The following NALF2 variants were observed in gnomAD, a reference collection of about 807,000 sequenced individuals.
NALF2 encodes NALCN channel auxiliary factor 2.
NALF2 carries 1 observed loss-of-function variant against 24.8 expected under a neutral mutation model. The ratio of observed to expected loss-of-function variants is 0.04; its 90% confidence interval spans 0.01 to 0.19. The LOEUF is 0.19. NALF2 is among the 10% of genes least tolerant of loss of function. NALF2 has a pLI of 1.00. For synonymous variants in NALF2, 254 were observed against 189.8 expected (o/e 1.34, Z -2.78); for missense variants, 458 against 409.6 (o/e 1.12, Z -1.02).
Position 69,505,633 on chromosome X carries a change from A to G in NALF2, c.351A>G (p.Arg117=), listed in dbSNP as rs1378502964. Residue 117 remains arginine (R), a synonymous_variant, in exon 1 of 3, where the codon AGA becomes AGG. Transcript: ENST00000252338. ...PSAPPGTCGP[R]YSNLTKAAPA... Reference sequence around the variant, plus strand: ...CGCCCCCAGGCACCTGCGGCCCCAGATACAGCAACCTGACCAAAGCCGCCC... The same window carrying G: ...CGCCCCCAGGCACCTGCGGCCCCAGGTACAGCAACCTGACCAAAGCCGCCC... The G allele has an allele frequency of 1.7e-6, 2 of 1,186,097 alleles. No homozygotes were observed. Among genetic ancestry groups the G allele is most frequent in the South Asian group, 3.7e-5 (2 of 54,570 alleles).
At chrX:69,529,200 G>A (rs375967970) in intron 2 of NALF2, 36 bp downstream of exon 2, 16 of 1,164,251 alleles carry the variant, frequency 1.4e-5, no homozygotes, top group Admixed American at 1.2e-4. Context: ...GGAGGAGGCC[G>A]GGGGCCCAGG....
chrX:69,530,496 C>G lies in NALF2; in HGVS notation c.*540C>G, dbSNP rs903988786. On this transcript the variant is annotated 3_prime_UTR_variant, in exon 3 of 3. Coordinates refer to ENST00000252338, the MANE Select transcript of NALF2 (RefSeq NM_015686.3). ...ACCTGGGACCATCACACGTGAAGCACCAGGCTGGGAGATGAGGTGCACACA... is the reference window on the plus strand; with the variant it reads ...ACCTGGGACCATCACACGTGAAGCAGCAGGCTGGGAGATGAGGTGCACACA... The G allele has an allele frequency of 1.7e-5, 2 of 114,640 alleles. No individual in the cohort carries two copies. The highest frequency in any genetic ancestry group is 3.7e-5 in the Non-Finnish European group (2 of 54,462). 9.4% of individuals were successfully genotyped at this position (114,640 alleles called of 1,213,427 possible).
rs200347050 is a variant in NALF2 at position 69,529,811 on chromosome X, G to A, written c.1274G>A (p.Arg425His). The A allele has an allele frequency of 1.3e-3, 1,565 of 1,209,831 alleles. 15 individuals carry two copies. In the South Asian group the frequency reaches 0.026, roughly 20 times the overall value. Residue 425 changes from arginine to histidine, a missense_variant, in exon 3 of 3, where the codon CGC becomes CAC. Arg to His is a conservative substitution (Grantham distance 29). Transcript: ENST00000252338. ...CTGCTGCCGGTCTCTGGGGGCTCCC[G>A]CCTCAGCCCTAGCAGGATCCGGCTC... ...PALLPVSGGS[R>H]LSPSRIRLCV...
At chrX:69,518,582 G>T (rs1352158793) in intron 1 of NALF2, among the ~76,000 whole-genome samples, 3 of 110,073 alleles carry the variant, frequency 2.7e-5, no homozygotes, top group South Asian at 3.9e-4. Flanking sequence ...TTAAATATTT[G>T]TGTATACACA....
chrX:69,505,133 A>C lies in NALF2; in HGVS notation c.-150A>C. ...CCCGCGACTCCGGCCTGAGCGGGGC[A>C]TCGCGCCGGCCGGCCTGCCTCACCA... On this transcript the variant is annotated 5_prime_UTR_variant, in exon 1 of 3. Coordinates refer to ENST00000252338, the MANE Select transcript of NALF2 (RefSeq NM_015686.3). 1 of 434,443 alleles carries C rather than the reference A, an allele frequency of 2.3e-6. No homozygotes were observed. The allele number at this position is 434,443 out of a possible 1,213,427, so 35.8% of individuals were successfully genotyped here.
intron 1 of NALF2, among the ~76,000 whole-genome samples, chrX:69,526,883 T>C (rs961516102): frequency 5.4e-5 from 6 of 112,072 alleles, no homozygotes; most frequent in Non-Finnish European, 9.4e-5. Context: ...AGGAGCAAAG[T>C]TATACGAGGG....
intron 1 of NALF2, among the ~76,000 whole-genome samples, chrX:69,509,382 C>T (rs1358538980): frequency 9.1e-6 from 1 of 110,152 alleles, no homozygotes; most frequent in East Asian, 2.9e-4. Context: ...CCTCTTCCCC[C>T]ACCTCTGTCT....
At chrX:69,519,627 A>G (rs940847294) in intron 1 of NALF2, among the ~76,000 whole-genome samples, 1 of 112,118 alleles carries the variant, frequency 8.9e-6, no homozygotes, top group African/African-American at 3.2e-5. Flanking sequence ...TGATGCCTCT[A>G]CTTCACTTTG....
chrX:69,525,616 C>A (rs1227723258), intron 1 of NALF2, among the ~76,000 whole-genome samples: 1 of 109,256 alleles, frequency 9.2e-6, no homozygotes, highest in Admixed American at 9.8e-5. Context: ...ACCCATCTTT[C>A]TTACTCCCTC....
Position 69,504,350 on chromosome X carries a change from C to G in NALF2, c.-933C>G, listed in dbSNP as rs896360603. Among the ~76,000 whole-genome samples the G allele has an allele frequency of 8.9e-6, 1 of 112,749 alleles. No individual in the cohort carries two copies. The highest frequency in any genetic ancestry group is 1.9e-5 in the Non-Finnish European group (1 of 53,165). The stretch of plus-strand genomic sequence containing the variant: ...ACCAGTCCCGCTCCCTCCTCCTCTC[C>G]GTGCCTCTTTCTCCGCCCTGCTCCC... On this transcript the variant is annotated 5_prime_UTR_variant, in exon 1 of 3. Transcript: ENST00000252338.
intron 1 of NALF2, among the ~76,000 whole-genome samples, chrX:69,508,494 G>A (rs188590967): frequency 7.2e-5 from 8 of 111,191 alleles, no homozygotes; most frequent in Non-Finnish European, 1.5e-4. Flanking sequence ...GCAAACCAGC[G>A]AACTCCTCCT....
chrX:69,505,526 T>C lies in NALF2; in HGVS notation c.244T>C (p.Trp82Arg), dbSNP rs1175928264. Residue 82 changes from tryptophan (W) to arginine (R), a missense_variant, in exon 1 of 3, where the codon TGG becomes CGG. Physicochemically the swap from Trp to Arg is moderately radical, Grantham distance 101. Transcript: ENST00000252338. ...RELSSAMRPP[W>R]GAGRERQPVP... is the part of the protein sequence containing the mutation. ...GCTGAGCAGCGCCATGCGGCCCCCA[T>C]GGGGGGCCGGCCGGGAGCGGCAGCC... is the stretch of plus-strand genomic sequence containing the variant. The C allele has an allele frequency of 1.0e-6, 1 of 967,663 alleles. No individual in the cohort carries two copies. The allele number at this position is 967,663 out of a possible 1,213,427, so 79.7% of individuals were successfully genotyped here.
At chrX:69,511,037 C>T (rs1007747787) in intron 1 of NALF2, among the ~76,000 whole-genome samples, 1 of 109,383 alleles carries the variant, frequency 9.1e-6, no homozygotes, top group African/African-American at 3.4e-5. Flanking sequence ...AATGACCCTA[C>T]AACCTTCCCA....
chrX:69,513,848 C>A (rs5981244), intron 1 of NALF2, among the ~76,000 whole-genome samples: 18,325 of 110,371 alleles, frequency 0.17, 1,182 homozygotes, highest in African/African-American at 0.17. Context: ...TCACCACTAT[C>A]CATTTCTAAA....
At chrX:69,507,964 A>G (rs1930520578) in intron 1 of NALF2, among the ~76,000 whole-genome samples, 1 of 110,671 alleles carries the variant, frequency 9.0e-6, no homozygotes, top group South Asian at 3.9e-4. Context: ...CAAATCTCTC[A>G]TGTTGATTGT....
chrX:69,510,592 C>T (rs1251940531), intron 1 of NALF2, among the ~76,000 whole-genome samples: 6 of 112,093 alleles, frequency 5.4e-5, no homozygotes, highest in Non-Finnish European at 1.1e-4. Context: ...ACCCAGGGCT[C>T]TTAGAGCCAG....
chrX:69,506,157 T>C lies in NALF2; in HGVS notation c.861+14T>C, dbSNP rs1930483076. On this transcript the variant is annotated intron_variant, in intron 1 of 2. Transcript: ENST00000252338. ...AAAGGCTGTAAGGTAAGGACTGGCT[T>C]CCGCAGCCACAGCAGCCGCCCTGGG... 1.7e-6 allele frequency: 2 copies of C among 1,193,930 alleles called. No homozygotes were observed. Among genetic ancestry groups the C allele is most frequent in the East Asian group, 6.0e-5 (2 of 33,315 alleles).
In NALF2 at chrX:69,531,035, G is replaced by A; in HGVS notation, c.*1079G>A. ...ACTCCCCTATCTTGTCCTAGCCCAG[G>A]CCTCCATGAAGGAGAACCTGGTGGC... On this transcript the variant is annotated 3_prime_UTR_variant, in exon 3 of 3. Coordinates refer to ENST00000252338, the MANE Select transcript of NALF2 (RefSeq NM_015686.3). 8.8e-6 allele frequency: 1 copy of A among 114,137 alleles called. No individual in the cohort carries two copies. 9.4% of individuals were successfully genotyped at this position (114,137 alleles called of 1,213,427 possible).
chrX:69,515,994 A>G (rs1264227872), intron 1 of NALF2, among the ~76,000 whole-genome samples: 1 of 112,470 alleles, frequency 8.9e-6, no homozygotes, highest in Non-Finnish European at 1.9e-5. Context: ...GGCAGCAGAC[A>G]ATGGTACCAC....
Sources: allele counts gnomAD v4.1 joint callset (sites outside exome capture counted in the v4.1 genomes callset), GRCh38; gene constraint gnomAD v4.1.1; transcripts MANE v1.5; gene names NCBI Gene and HGNC (gene_info 2026-07-23, HGNC 2026-07-21).